The following STARD13 variants were observed in gnomAD, a reference collection of about 807,000 sequenced individuals.
STARD13 encodes the protein stAR-related lipid transfer protein 13.
In STARD13, 62 loss-of-function variants were observed where a neutral mutation model predicts 106.4. The observed-to-expected ratio is 0.58, with a 90% CI of 0.48 to 0.72. The LOEUF is 0.72. STARD13 is among the 30% of genes least tolerant of loss of function. The pLI is 0.00. For synonymous variants in STARD13, 565 were observed against 553.0 expected (o/e 1.02, Z -0.31); for missense variants, 1,387 against 1,424.0 (o/e 0.97, Z 0.42).
chr13:33,317,893 T>G (rs1388460164), intron 1 of STARD13, among the ~76,000 whole-genome samples: 1 of 152,180 alleles, frequency 6.6e-6, no homozygotes, highest in African/African-American at 2.4e-5. Context: ...TCAGTAATTT[T>G]GTCAAATATT....
intron 1 of STARD13, among the ~76,000 whole-genome samples, chr13:33,247,220 TTAAA>T (rs138495021): frequency 0.21 from 30,778 of 150,076 alleles, 3,524 homozygotes; most frequent in South Asian, 0.33. Context: ...AATAAATAAA[TTAAA>T]TAAATAAATA....
chr13:33,414,633 A>G, the STARD13 span, among the ~76,000 whole-genome samples: 29 of 151,862 alleles, frequency 1.9e-4, no homozygotes, highest in African/African-American at 6.8e-4. Flanking sequence ...GCCAGAAGTT[A>G]AGGACAGGTG....
At chr13:33,394,720 G>A in the STARD13 span, among the ~76,000 whole-genome samples, 1 of 152,196 alleles carries the variant, frequency 6.6e-6, no homozygotes, top group Admixed American at 6.5e-5. Context: ...CACAGAACAT[G>A]CCAGGGATGT....
At chr13:33,508,880 T>C in the STARD13 span, among the ~76,000 whole-genome samples, 1 of 152,208 alleles carries the variant, frequency 6.6e-6, no homozygotes, top group African/African-American at 2.4e-5. Context: ...CTAAGCTATA[T>C]GATATAGCCT....
the STARD13 span, among the ~76,000 whole-genome samples, chr13:33,563,942 G>A: frequency 1.0e-3 from 153 of 147,026 alleles, 14 homozygotes; most frequent in Non-Finnish European, 1.8e-3. Context: ...CTATAATCCC[G>A]GCACTTTGGG....
intron 1 of STARD13, among the ~76,000 whole-genome samples, chr13:33,204,398 C>A (rs966498589): frequency 3.9e-5 from 6 of 152,198 alleles, no homozygotes; most frequent in African/African-American, 1.4e-4. Context: ...TCCTTCCTCT[C>A]ATTTTTCACA....
At chr13:33,576,761 G>A in the STARD13 span, among the ~76,000 whole-genome samples, 2 of 152,114 alleles carry the variant, frequency 1.3e-5, no homozygotes, top group Non-Finnish European at 2.9e-5. Context: ...ATTTCAATTA[G>A]ACATATTACA....
the STARD13 span, among the ~76,000 whole-genome samples, chr13:33,574,418 C>T: frequency 1.3e-5 from 2 of 152,064 alleles, no homozygotes; most frequent in South Asian, 2.1e-4. Context: ...ATTAGATTGA[C>T]TAAAAAAAGT....
the STARD13 span, among the ~76,000 whole-genome samples, chr13:33,595,967 T>G: frequency 1.9e-3 from 286 of 152,290 alleles, 3 homozygotes; most frequent in African/African-American, 6.4e-3. Context: ...CTGTTTAAAT[T>G]GTATTGGATC....
chr13:33,361,823 T>C, the STARD13 span, among the ~76,000 whole-genome samples: 1 of 152,130 alleles, frequency 6.6e-6, no homozygotes, highest in Non-Finnish European at 1.5e-5. Flanking sequence ...AATCACCTCC[T>C]ACCAGGTACC....
chr13:33,130,305 G>A lies in STARD13; in HGVS notation c.388-16C>T, dbSNP rs575692307. 5 of 1,594,654 alleles carry A rather than the reference G, an allele frequency of 3.1e-6. No homozygotes were observed. Among genetic ancestry groups the A allele is most frequent in the African/African-American group, 1.3e-5 (1 of 74,960 alleles). ...AGTCGTCACCCTGCAGAGCACCAAG[G>A]AAAATGCTCATTAGCAGACAGCGTG... is the stretch of plus-strand genomic sequence containing the variant. On this transcript the variant is annotated splice_polypyrimidine_tract_variant and intron_variant, in intron 4 of 13. Transcript: ENST00000336934. The surrounding 1 kb of genome is among the most constrained non-coding windows in gnomAD (Gnocchi z 4.1).
chr13:33,494,168 G>A, the STARD13 span, among the ~76,000 whole-genome samples: 1 of 152,086 alleles, frequency 6.6e-6, no homozygotes, highest in African/African-American at 2.4e-5. Flanking sequence ...TGACTTGAAT[G>A]CCACCTTCTC....
At chr13:33,402,624 A>G in the STARD13 span, among the ~76,000 whole-genome samples, 1 of 152,200 alleles carries the variant, frequency 6.6e-6, no homozygotes, top group African/African-American at 2.4e-5. Flanking sequence ...CCTATCCTGT[A>G]CCCATATAAA....
At chr13:33,572,698 A>G in the STARD13 span, among the ~76,000 whole-genome samples, 7,109 of 152,270 alleles carry the variant, frequency 0.047, 258 homozygotes, top group Middle Eastern at 0.11. Flanking sequence ...TCAACCAACC[A>G]TAAAAATGTT....
At chr13:33,253,717 G>A (rs931216968) in intron 1 of STARD13, among the ~76,000 whole-genome samples, 1 of 151,966 alleles carries the variant, frequency 6.6e-6, no homozygotes, top group African/African-American at 2.4e-5. Flanking sequence ...TTCAATGTAT[G>A]GCGTTGATTC....
chr13:33,125,384 T>C (rs1877003392), intron 7 of STARD13, among the ~76,000 whole-genome samples: 1 of 152,158 alleles, frequency 6.6e-6, no homozygotes, highest in Non-Finnish European at 1.5e-5. Flanking sequence ...TGGGTGTTAA[T>C]TTGGAGGAGC....
chr13:33,417,653 A>G, the STARD13 span, among the ~76,000 whole-genome samples: 190 of 152,324 alleles, frequency 1.2e-3, no homozygotes, highest in African/African-American at 4.2e-3. Flanking sequence ...ATGCTGAGAG[A>G]GTAGCCAGTT....
the STARD13 span, among the ~76,000 whole-genome samples, chr13:33,438,458 T>C: frequency 8.5e-5 from 13 of 152,210 alleles, no homozygotes; most frequent in Non-Finnish European, 1.8e-4. Context: ...CCCACTTAGC[T>C]GCCAGGTGGT....
the STARD13 span, among the ~76,000 whole-genome samples, chr13:33,573,163 C>A: frequency 6.6e-6 from 1 of 152,120 alleles, no homozygotes; most frequent in Non-Finnish European, 1.5e-5. Context: ...CCCCAGACAA[C>A]TACGGAGATG....
Sources: gnomAD v4.1 joint callset for allele counts (sites outside exome capture counted in the v4.1 genomes callset) on GRCh38, gnomAD v4.1.1 for gene constraint, Gnocchi (gnomAD v3.1) non-coding constraint, MANE v1.5 for transcripts, NCBI Gene and HGNC (gene_info 2026-07-23, HGNC 2026-07-21) for gene names.